SEMA5A: variants seen among roughly 807,000 people sequenced by gnomAD.
SEMA5A encodes the protein semaphorin 5A, also known as semaphorin-5A.
A neutral mutation model predicts 135.5 loss-of-function variants in SEMA5A; 55 were observed. That is an observed-to-expected ratio of 0.41 (90% CI 0.33 to 0.51). SEMA5A has a LOEUF of 0.51. Among genes scored for constraint, SEMA5A ranks in the 20% least tolerant of loss-of-function variants. The pLI is 0.37. For missense variants in SEMA5A, 1,290 were observed against 1,419.9 expected (o/e 0.91, Z 1.47); for synonymous variants, 580 against 546.5 (o/e 1.06, Z -0.85).
chr5:9,361,271 C>G (rs1333487813), intron 3 of SEMA5A, among the ~76,000 whole-genome samples: 2 of 150,658 alleles, frequency 1.3e-5, no homozygotes. Context: ...TGCACTCCAG[C>G]CTGGGCAACA....
At chr5:9,377,866 G>A (rs903204261) in intron 3 of SEMA5A, among the ~76,000 whole-genome samples, 4 of 152,144 alleles carry the variant, frequency 2.6e-5, no homozygotes, top group Admixed American at 6.5e-5. Context: ...ACAGAAATGA[G>A]TGATTCCCAG....
chr5:9,085,624 G>T lies in SEMA5A; in HGVS notation c.2074-18978C>A, dbSNP rs79993438. ...AGAGGATGTATGGAAACACATGAAT[G>T]TCCAGGCAGAAGTTTGCTGCAGGGG... On this transcript the variant is annotated intron_variant, in intron 16 of 22. Coordinates refer to ENST00000382496, the MANE Select transcript of SEMA5A (RefSeq NM_003966.3). Among the ~76,000 whole-genome samples the T allele has an allele frequency of 5.2e-3, 787 of 152,314 alleles. 3 individuals are homozygous for T. The highest frequency in any genetic ancestry group is 0.018 in the African/African-American group (743 of 41,564).
chr5:9,429,817 A>G (rs1443722557), intron 2 of SEMA5A, among the ~76,000 whole-genome samples: 1 of 152,156 alleles, frequency 6.6e-6, no homozygotes, highest in Admixed American at 6.5e-5. Flanking sequence ...ATAGATAGAG[A>G]AGAGAGAGGA....
At chr5:9,150,761 G>T (rs1446358500) in intron 12 of SEMA5A, among the ~76,000 whole-genome samples, 1 of 152,124 alleles carries the variant, frequency 6.6e-6, no homozygotes, top group Non-Finnish European at 1.5e-5. Context: ...CTTCATGTTT[G>T]CTTGATCCAG....
intron 1 of SEMA5A, among the ~76,000 whole-genome samples, chr5:9,461,213 G>A (rs1311426805): frequency 6.6e-6 from 1 of 152,216 alleles, no homozygotes; most frequent in Non-Finnish European, 1.5e-5. Context: ...TGGCAAAGCA[G>A]GAATATGGAA....
chr5:9,487,429 C>T (rs1304843316), intron 1 of SEMA5A, among the ~76,000 whole-genome samples: 1 of 152,124 alleles, frequency 6.6e-6, no homozygotes, highest in African/African-American at 2.4e-5. Context: ...AGGACACCAA[C>T]CATGGGAATC....
At chr5:9,278,776 T>C (rs7733680) in intron 5 of SEMA5A, among the ~76,000 whole-genome samples, 60,387 of 152,174 alleles carry the variant, frequency 0.4, 12,205 homozygotes, top group East Asian at 0.48. Flanking sequence ...CAAGCCTCAG[T>C]AGCATCTACG....
chr5:9,172,996 G>A (rs2150310911), intron 11 of SEMA5A, among the ~76,000 whole-genome samples: 1 of 152,286 alleles, frequency 6.6e-6, no homozygotes. Context: ...TCAAAATCCA[G>A]AATCTGGTGA....
intron 9 of SEMA5A, among the ~76,000 whole-genome samples, chr5:9,199,159 C>T (rs1415412316): frequency 6.6e-6 from 1 of 152,176 alleles, no homozygotes; most frequent in Non-Finnish European, 1.5e-5. Flanking sequence ...TAATGTTTCT[C>T]TGTTCACTAC....
At chr5:9,166,367 T>A (rs909794547) in intron 11 of SEMA5A, among the ~76,000 whole-genome samples, 6 of 152,138 alleles carry the variant, frequency 3.9e-5, no homozygotes, top group African/African-American at 1.4e-4. Flanking sequence ...CGAGCGCAGA[T>A]CCCTCATATC....
intron 5 of SEMA5A, among the ~76,000 whole-genome samples, chr5:9,287,443 G>A (rs1030947963): frequency 4.0e-5 from 6 of 151,720 alleles, no homozygotes; most frequent in African/African-American, 1.5e-4. Flanking sequence ...ATTTTTAGAG[G>A]AACGTAACTA....
chr5:9,324,667 T>TA lies in SEMA5A; in HGVS notation c.225-6251dup, dbSNP rs975587520. Among the ~76,000 whole-genome samples, 33 of 152,108 alleles carry TA rather than the reference T, an allele frequency of 2.2e-4. 1 individual carries two copies. The highest frequency in any genetic ancestry group is 3.3e-4 in the Admixed American group (5 of 15,276). Reference sequence around the variant, plus strand: ...AAGAGAGAAAACCTTCTAAAGGGGATAAAAAATTGATATTCCCAGGTGTTG... The same window carrying TA: ...AAGAGAGAAAACCTTCTAAAGGGGATAAAAAAATTGATATTCCCAGGTGTTG... On this transcript the variant is annotated intron_variant, in intron 4 of 22. Transcript: ENST00000382496.
intron 1 of SEMA5A, among the ~76,000 whole-genome samples, chr5:9,446,226 C>T (rs551228107): frequency 4.6e-5 from 7 of 152,170 alleles, no homozygotes; most frequent in African/African-American, 9.6e-5. Flanking sequence ...GCCTCAGTAA[C>T]GGAAATAAAG....
intron 5 of SEMA5A, among the ~76,000 whole-genome samples, chr5:9,239,660 T>C (rs888840381): frequency 7.2e-5 from 11 of 151,796 alleles, no homozygotes; most frequent in African/African-American, 2.2e-4. Flanking sequence ...TGAAAGAATA[T>C]GATATATTCT....
intron 5 of SEMA5A, among the ~76,000 whole-genome samples, chr5:9,283,331 GA>G (rs1750635740): frequency 1.3e-5 from 2 of 152,080 alleles, no homozygotes; most frequent in Admixed American, 6.5e-5. Context: ...TTGGTTGCTG[GA>G]AAAATTCAGT....
At chr5:9,197,392 T>C (rs149017468) in intron 9 of SEMA5A, 89 bp from the exon 10 acceptor site, 119 of 1,467,230 alleles carry the variant, frequency 8.1e-5, no homozygotes, top group Non-Finnish European at 1.0e-4. Context: ...AGCTGTGACC[T>C]ACAGCTTCCA....
At chr5:9,318,197 G>T (rs1752472896) in intron 5 of SEMA5A, among the ~76,000 whole-genome samples, 175 bp downstream of exon 5, 1 of 152,168 alleles carries the variant, frequency 6.6e-6, no homozygotes, top group South Asian at 2.1e-4. Flanking sequence ...GGAATTAAGG[G>T]AGGTAATGAC....
At chr5:9,179,554 G>T (rs1052535065) in intron 11 of SEMA5A, among the ~76,000 whole-genome samples, 1 of 152,166 alleles carries the variant, frequency 6.6e-6, no homozygotes, top group African/African-American at 2.4e-5. Flanking sequence ...CCAGGCATCA[G>T]CTACTAAAAA....
At chr5:9,054,609 C>G (rs1386145953) in intron 18 of SEMA5A, among the ~76,000 whole-genome samples, 1 of 152,172 alleles carries the variant, frequency 6.6e-6, no homozygotes, top group Non-Finnish European at 1.5e-5. Flanking sequence ...CCCCTGAGAA[C>G]AACCATGAAC....
Sources: gnomAD v4.1 joint callset for allele counts (sites outside exome capture counted in the v4.1 genomes callset) on GRCh38, gnomAD v4.1.1 for gene constraint, MANE v1.5 for transcripts, NCBI Gene and HGNC (gene_info 2026-07-23, HGNC 2026-07-21) for gene names.